The following ABCB1 variants were observed in gnomAD, a reference collection of about 807,000 sequenced individuals.
The protein encoded by ABCB1 is ATP binding cassette subfamily B member 1.
A neutral mutation model predicts 142.0 loss-of-function variants in ABCB1; 69 were observed. The observed-to-expected ratio is 0.49, with a 90% CI of 0.40 to 0.59. The LOEUF (loss-of-function observed/expected upper bound fraction) is 0.59, where lower values mean the gene tolerates loss of function less well. Among genes scored for constraint, ABCB1 ranks in the 20% least tolerant of loss-of-function variants. The probability of loss-of-function intolerance (pLI) is 0.00; values close to 1 mark genes in which losing one functional copy is unlikely to be tolerated. For missense variants in ABCB1, 1,326 were observed against 1,554.7 expected (o/e 0.85, Z 2.47); for synonymous variants, 532 against 539.2 (o/e 0.99, Z 0.18).
chr7:87,629,810 C>T (rs553379970), intron 1 of ABCB1, among the ~76,000 whole-genome samples: 45 of 151,646 alleles, frequency 3.0e-4, no homozygotes, highest in African/African-American at 1.0e-3. Context: ...CCTGTAATCC[C>T]AGCTACTCGG....
At chr7:87,545,829 G>A in intron 15 of ABCB1, 34 bp downstream of exon 15, 6 of 1,605,836 alleles carry the variant, frequency 3.7e-6, no homozygotes, top group Middle Eastern at 1.7e-4. Flanking sequence ...TTATCACTGA[G>A]ATGACTTAGG....
intron 1 of ABCB1, among the ~76,000 whole-genome samples, chr7:87,664,948 T>G (rs977486888): frequency 1.3e-5 from 2 of 152,104 alleles, no homozygotes; most frequent in Non-Finnish European, 2.9e-5. Context: ...AGAAGTAATG[T>G]ACCTCAACAT....
At chr7:87,669,896 T>A (rs1237703681) in intron 1 of ABCB1, among the ~76,000 whole-genome samples, 1 of 152,184 alleles carries the variant, frequency 6.6e-6, no homozygotes, top group Non-Finnish European at 1.5e-5. Context: ...TCTAGCTGCC[T>A]TTAAAAGTCT....
chr7:87,562,168 C>G (rs1455822338), intron 7 of ABCB1, among the ~76,000 whole-genome samples: 1 of 152,182 alleles, frequency 6.6e-6, no homozygotes, highest in African/African-American at 2.4e-5. Context: ...GTGGATTTCT[C>G]CCTTTCCTGT....
At chr7:87,679,667 A>T (rs753188586) in intron 1 of ABCB1, among the ~76,000 whole-genome samples, 1 of 150,328 alleles carries the variant, frequency 6.7e-6, no homozygotes, top group South Asian at 2.1e-4. Flanking sequence ...TGAGATTACA[A>T]GTGTGAACCA....
At chr7:87,587,619 C>T (rs1818811587) in intron 3 of ABCB1, among the ~76,000 whole-genome samples, 1 of 152,074 alleles carries the variant, frequency 6.6e-6, no homozygotes, top group Admixed American at 6.5e-5. Flanking sequence ...CACCTGTAAT[C>T]CCAGCACTTT....
rs559495042 is a variant in ABCB1, at chr7:87,553,142, A to G, written c.999+619T>C. Among the ~76,000 whole-genome samples the G allele has an allele frequency of 1.6e-4, 24 of 152,272 alleles. No homozygotes were observed. In the South Asian group the frequency reaches 3.3e-3, roughly 21 times the overall value. ...AATAGTAAATCAGAAAATAAAAGTGAAGTGTTTAGCAACAAGTTTGGCACA... is the reference window on the plus strand; with the variant it reads ...AATAGTAAATCAGAAAATAAAAGTGGAGTGTTTAGCAACAAGTTTGGCACA... On this transcript the variant is annotated intron_variant, in intron 9 of 27. Transcript: ENST00000622132.
intron 27 of ABCB1, among the ~76,000 whole-genome samples, 191 bp from the exon 28 acceptor site, chr7:87,504,640 T>C (rs900267361): frequency 2.0e-5 from 3 of 151,642 alleles, no homozygotes; most frequent in African/African-American, 4.8e-5. Flanking sequence ...CCCATCTCTA[T>C]CAAAAATACA....
chr7:87,628,424 A>T (rs1820818171), intron 1 of ABCB1: 1 of 159,968 alleles, frequency 6.3e-6, no homozygotes, highest in African/African-American at 2.4e-5. Flanking sequence ...CTGGGGCACG[A>T]GTGGCTGCGG....
At chr7:87,708,942 C>G (rs1377982611) in intron 1 of ABCB1, among the ~76,000 whole-genome samples, 1 of 152,068 alleles carries the variant, frequency 6.6e-6, no homozygotes, top group Non-Finnish European at 1.5e-5. Context: ...TTTTCATAAA[C>G]CTTCATTTTA....
chr7:87,701,809 T>C (rs1032132904), intron 1 of ABCB1, among the ~76,000 whole-genome samples: 6 of 152,154 alleles, frequency 3.9e-5, no homozygotes, highest in African/African-American at 1.2e-4. Context: ...AGATATCTAA[T>C]TATCTTGTAA....
chr7:87,564,042 T>C (rs568689957), intron 7 of ABCB1: 56 of 324,406 alleles, frequency 1.7e-4, no homozygotes, highest in African/African-American at 1.2e-3. Flanking sequence ...AGGGAGACAG[T>C]CATTAAAAAT....
chr7:87,689,991 T>A (rs28722142), intron 1 of ABCB1, among the ~76,000 whole-genome samples: 14,855 of 151,936 alleles, frequency 0.098, 999 homozygotes, highest in African/African-American at 0.18. Context: ...GATTTTTTTT[T>A]AAAAATTTTT....
chr7:87,521,483 A>G, intron 21 of ABCB1: 2 of 741,544 alleles, frequency 2.7e-6, no homozygotes, highest in Non-Finnish European at 5.0e-6. Context: ...GAGTCTCCTA[A>G]TGAGCCCAAA....
chr7:87,561,994 C>T (rs562473364), intron 7 of ABCB1, among the ~76,000 whole-genome samples: 29 of 152,154 alleles, frequency 1.9e-4, no homozygotes, highest in African/African-American at 5.5e-4. Flanking sequence ...CTCCCCACCC[C>T]TCCCCCAAAA....
intron 1 of ABCB1, among the ~76,000 whole-genome samples, chr7:87,652,489 T>G (rs1307022696): frequency 1.3e-5 from 2 of 151,906 alleles, no homozygotes; most frequent in Non-Finnish European, 1.5e-5. Flanking sequence ...AATCCCCAGT[T>G]GATTTATGGA....
intron 1 of ABCB1, among the ~76,000 whole-genome samples, chr7:87,626,093 TATATATTGTCATATATATGTGTC>T (rs1778739299): frequency 2.5e-5 from 3 of 121,844 alleles, no homozygotes; most frequent in African/African-American, 6.8e-5. Context: ...TATATATATA[TATATATTGTCATATATATGTGTC>T]ATATATATTG....
At chr7:87,583,769 AT>A (rs1457430785) in intron 4 of ABCB1, among the ~76,000 whole-genome samples, 7 of 152,204 alleles carry the variant, frequency 4.6e-5, no homozygotes, top group Non-Finnish European at 7.4e-5. Flanking sequence ...AACTGTATGT[AT>A]TAACATACAA....
chr7:87,649,160 G>T (rs1360375736), intron 1 of ABCB1, among the ~76,000 whole-genome samples: 1 of 152,112 alleles, frequency 6.6e-6, no homozygotes, highest in Admixed American at 6.5e-5. Context: ...TGAGGGAGTT[G>T]TTTGAGGTGA....
Sources: gnomAD v4.1 joint callset for allele counts (sites outside exome capture counted in the v4.1 genomes callset) on GRCh38, gnomAD v4.1.1 for gene constraint, MANE v1.5 for transcripts, NCBI Gene and HGNC (gene_info 2026-07-23, HGNC 2026-07-21) for gene names.